The following DNAH11 variants were observed in gnomAD, a reference collection of about 807,000 sequenced individuals.
DNAH11 encodes the protein dynein axonemal heavy chain 11.
DNAH11 carries 442 observed loss-of-function variants against 526.0 expected under a neutral mutation model. That is an observed-to-expected ratio of 0.84 (90% CI 0.78 to 0.91). The LOEUF is 0.91. Ranked by LOEUF, DNAH11 falls within the 40% of genes least tolerant of loss-of-function variation. The pLI is 0.00. For missense variants in DNAH11, 6,989 were observed against 5,448.7 expected (o/e 1.28, Z -8.90); for synonymous variants, 2,461 against 1,935.9 (o/e 1.27, Z -7.12).
At chr7:21,720,977 G>C in intron 44 of DNAH11, 121 bp downstream of exon 44, 1 of 1,268,598 alleles carries the variant, frequency 7.9e-7, no homozygotes, top group Non-Finnish European at 1.0e-6. Context: ...TGCTTGCCCT[G>C]TTCTCTCCTA....
intron 68 of DNAH11, among the ~76,000 whole-genome samples, chr7:21,858,255 A>G (rs1348726589): frequency 6.6e-6 from 1 of 152,216 alleles, no homozygotes; most frequent in Non-Finnish European, 1.5e-5. Flanking sequence ...ATATGGTACT[A>G]CAGCTCTCTC....
intron 9 of DNAH11, among the ~76,000 whole-genome samples, chr7:21,587,294 G>C (rs956051107): frequency 2.2e-4 from 34 of 152,214 alleles, no homozygotes; most frequent in Middle Eastern, 3.4e-3. Context: ...AGCAAGAGGA[G>C]TTTGTGAGAC....
At chr7:21,811,088 G>C (rs1001602838) in intron 63 of DNAH11, among the ~76,000 whole-genome samples, 1 of 152,198 alleles carries the variant, frequency 6.6e-6, no homozygotes, top group Non-Finnish European at 1.5e-5. Context: ...ACAACAGAAT[G>C]TTATTCAGCC....
At position 21,801,200 on chromosome 7, in the gene DNAH11, C is replaced by T. The variant is rs377042231; in HGVS notation, c.10090C>T (p.Arg3364Trp). 7.9e-5 allele frequency: 128 copies of T among 1,613,186 alleles called. No homozygotes were observed. The highest frequency in any genetic ancestry group is 9.6e-5 in the Non-Finnish European group (113 of 1,179,630). The part of the protein sequence containing the change: ...SFEKATAEKV[R>W]CQEEVNQTNK... ...TGAAAAAGCAACAGCTGAGAAAGTC[C>T]GGTGTCAAGAAGAGGTGAACCAAAC... The change falls in exon 62 of 82, where the codon CGG (arginine) becomes TGG (tryptophan). Residue 3364 changes from arginine to tryptophan, a missense_variant. Coordinates refer to ENST00000409508, the MANE Select transcript of DNAH11 (RefSeq NM_001277115.2).
At chr7:21,892,393 T>G in intron 76 of DNAH11, 32 bp from the exon 77 acceptor site, 14 of 1,584,810 alleles carry the variant, frequency 8.8e-6, no homozygotes, top group Non-Finnish European at 1.2e-5. Context: ...TACCTACATT[T>G]GGAATAACTG....
At chr7:21,700,192 AC>A (rs984957181) in intron 36 of DNAH11, among the ~76,000 whole-genome samples, 3 of 152,206 alleles carry the variant, frequency 2.0e-5, no homozygotes, top group Admixed American at 6.5e-5. Context: ...TCTAGGACAC[AC>A]CTGTAGCCAA....
At chr7:21,900,865 C>T (rs1784773285) in intron 81 of DNAH11, 142 bp from the exon 82 acceptor site, 1 of 1,379,264 alleles carries the variant, frequency 7.3e-7, no homozygotes, top group Non-Finnish European at 9.7e-7. Context: ...CTCAGTCCGG[C>T]CAGCTCAGTA....
Position 21,570,188 on chromosome 7 carries a change from A to C in DNAH11, c.1314A>C (p.Arg438Ser). Residue 438 changes from arginine (R) to serine (S), a missense_variant, in exon 7 of 82, where the codon AGA becomes AGC. Arg to Ser is a moderately radical substitution (Grantham distance 110, BLOSUM62 -1). Coordinates refer to ENST00000409508, the MANE Select transcript of DNAH11 (RefSeq NM_001277115.2). ...TCAAAAACTCCTTTTTCAACTATAG[A>C]AAAAAATTGGCAAGCTACTTTATGG... ...KTFKNSFFNYRKKLASYFMGR... is the reference protein window; with the variant it reads ...KTFKNSFFNYSKKLASYFMGR... The C allele has an allele frequency of 6.2e-7, 1 of 1,613,430 alleles. No homozygotes were observed. Among genetic ancestry groups the C allele is most frequent in the Non-Finnish European group, 8.5e-7 (1 of 1,179,686 alleles).
At chr7:21,574,428 C>G (rs1161068199) in intron 8 of DNAH11, among the ~76,000 whole-genome samples, 1 of 152,086 alleles carries the variant, frequency 6.6e-6, no homozygotes, top group African/African-American at 2.4e-5. Flanking sequence ...AGAGTGGTCC[C>G]GCAGGCAAAT....
At chr7:21,791,259 T>C (rs765534378) in intron 61 of DNAH11, among the ~76,000 whole-genome samples, 1 of 152,204 alleles carries the variant, frequency 6.6e-6, no homozygotes, top group Non-Finnish European at 1.5e-5. Context: ...GGTGGCCATG[T>C]GTGATTTGGG....
rs192675872 is a variant in DNAH11, at chr7:21,820,777, A to G, written c.10691+2438A>G. Among the ~76,000 whole-genome samples the G allele has an allele frequency of 1.4e-4, 21 of 152,298 alleles. No individual in the cohort carries two copies. The East Asian group carries it at 3.5e-3, about 25-fold the overall frequency. ...TCAGTTACACTAGTTGGTAGTACCA[A>G]TTGTTTTTAACTAAGGGACCATGCT... On this transcript the variant is annotated intron_variant, in intron 65 of 81. Coordinates refer to ENST00000409508, the MANE Select transcript of DNAH11 (RefSeq NM_001277115.2).
At chr7:21,769,616 C>G (rs1291033752) in intron 55 of DNAH11, among the ~76,000 whole-genome samples, 1 of 152,094 alleles carries the variant, frequency 6.6e-6, no homozygotes, top group Non-Finnish European at 1.5e-5. Context: ...TCCTGAGTAG[C>G]TGGGACCACA....
Position 21,590,891 on chromosome 7 carries a change from A to G in DNAH11, c.2170-27A>G, listed in dbSNP as rs72655994. 50 of 1,248,058 alleles carry G rather than the reference A, an allele frequency of 4.0e-5. 1 individual carries two copies. The South Asian group carries it at 1.0e-3, about 26-fold the overall frequency. The allele number at this position is 1,248,058 out of a possible 1,614,324, so 77.3% of individuals were successfully genotyped here. On this transcript the variant is annotated intron_variant, in intron 12 of 81. Coordinates refer to ENST00000409508, the MANE Select transcript of DNAH11 (RefSeq NM_001277115.2). ...TAGAATGACATTATGAAAATATGCA[A>G]TAATTTTAATAATTGTATTTTAATA...
At chr7:21,891,655 T>C (rs1196159248) in intron 76 of DNAH11, among the ~76,000 whole-genome samples, 2 of 152,160 alleles carry the variant, frequency 1.3e-5, no homozygotes, top group African/African-American at 4.8e-5. Context: ...GTCTACCCTC[T>C]TGCCCCAGCC....
At position 21,795,668 on chromosome 7, in the gene DNAH11, G is replaced by A. The variant is rs78987208; in HGVS notation, c.10027-5469G>A. On this transcript the variant is annotated intron_variant, in intron 61 of 81. Coordinates refer to ENST00000409508, the MANE Select transcript of DNAH11 (RefSeq NM_001277115.2). ...ACTTTCCTTTTAGCAATCAACGAAC[G>A]TTTTGTAACACTGGACTAGGCACTG... 9.9e-3 allele frequency among the ~76,000 whole-genome samples: 1,503 copies of A among 152,322 alleles called. 18 individuals are homozygous for A. The highest frequency in any genetic ancestry group is 0.034 in the African/African-American group (1,413 of 41,568).
At chr7:21,674,228 G>C (rs989721226) in intron 30 of DNAH11, among the ~76,000 whole-genome samples, 1 of 151,892 alleles carries the variant, frequency 6.6e-6, no homozygotes, top group Non-Finnish European at 1.5e-5. Flanking sequence ...GCTAATTTTT[G>C]TATTTTTAGT....
intron 14 of DNAH11, among the ~76,000 whole-genome samples, chr7:21,599,265 A>G (rs1017569020): frequency 1.3e-5 from 2 of 152,196 alleles, no homozygotes; most frequent in Non-Finnish European, 2.9e-5. Flanking sequence ...TTGACTTTTT[A>G]ATAATAGCCT....
At chr7:21,784,928 T>C (rs147849201) in intron 58 of DNAH11, among the ~76,000 whole-genome samples, 7 of 152,296 alleles carry the variant, frequency 4.6e-5, no homozygotes, top group South Asian at 4.1e-4. Flanking sequence ...AAGAGTAGCA[T>C]TGATGAGAGA....
intron 30 of DNAH11, among the ~76,000 whole-genome samples, chr7:21,662,484 A>C (rs554480594): frequency 6.6e-6 from 1 of 152,114 alleles, no homozygotes; most frequent in Non-Finnish European, 1.5e-5. Context: ...TAAAATTTTA[A>C]ATTTTAATTG....
Sources: allele counts gnomAD v4.1 joint callset (sites outside exome capture counted in the v4.1 genomes callset), GRCh38; gene constraint gnomAD v4.1.1; transcripts MANE v1.5; gene names NCBI Gene and HGNC (gene_info 2026-07-23, HGNC 2026-07-21).